DHRS7B: variants seen among roughly 807,000 people sequenced by gnomAD.
The protein encoded by DHRS7B is dehydrogenase/reductase 7B, also known as peroxisomal reductase activating PPAR-gamma.
In DHRS7B, 24 loss-of-function variants were observed where a neutral mutation model predicts 26.4. That is an observed-to-expected ratio of 0.91 (90% CI 0.66 to 1.28). The LOEUF is 1.28. DHRS7B is among the 50% of genes most tolerant of loss of function. The pLI is 0.00. For missense variants in DHRS7B, 368 were observed against 419.4 expected, an observed-to-expected ratio of 0.88 and a Z score of 1.07; for synonymous variants, 142 against 166.4, an observed-to-expected ratio of 0.85 and a Z score of 1.13.
chr17:21,145,683 A>G (rs936360337), intron 1 of DHRS7B, among the ~76,000 whole-genome samples: 4 of 152,212 alleles, frequency 2.6e-5, no homozygotes, highest in South Asian at 2.1e-4. Flanking sequence ...GTACCTATAC[A>G]CCCATTCTAT....
At chr17:21,160,283 G>A (rs1042718003) in intron 1 of DHRS7B, among the ~76,000 whole-genome samples, 4 of 152,286 alleles carry the variant, frequency 2.6e-5, no homozygotes, top group South Asian at 2.1e-4. Context: ...CTTGAACCCA[G>A]GAGGCGGAGG....
chr17:21,147,159 T>C (rs975651065), intron 1 of DHRS7B, among the ~76,000 whole-genome samples: 1 of 152,176 alleles, frequency 6.6e-6, no homozygotes, highest in Non-Finnish European at 1.5e-5. Context: ...TTAGAGTCTG[T>C]TGAGGTGCTG....
chr17:21,171,357 T>G (rs1042346007), intron 1 of DHRS7B, among the ~76,000 whole-genome samples: 104 of 152,350 alleles, frequency 6.8e-4, no homozygotes, highest in African/African-American at 2.4e-3. Flanking sequence ...TGGGGAATGC[T>G]GGGCAGGAAC....
chr17:21,170,860 A>AT (rs35799443), intron 1 of DHRS7B, among the ~76,000 whole-genome samples: 128,630 of 150,604 alleles, frequency 0.85, 55,047 homozygotes, highest in Middle Eastern at 0.89. Context: ...AGGAAGCAGA[A>AT]TTTTTTTTTT....
At chr17:21,144,309 T>C (rs1159308436) in intron 1 of DHRS7B, among the ~76,000 whole-genome samples, 1 of 152,124 alleles carries the variant, frequency 6.6e-6, no homozygotes, top group Non-Finnish European at 1.5e-5. Flanking sequence ...GTGAGAAAAC[T>C]GGGGCCCAAA....
chr17:21,170,791 G>A (rs1210849220), intron 1 of DHRS7B, among the ~76,000 whole-genome samples: 4 of 152,130 alleles, frequency 2.6e-5, no homozygotes, highest in African/African-American at 9.7e-5. Context: ...GATGTGTGTT[G>A]GGAGTCCACA....
chr17:21,137,504 C>T (rs1255345019), intron 1 of DHRS7B, among the ~76,000 whole-genome samples: 2 of 151,076 alleles, frequency 1.3e-5, no homozygotes, highest in East Asian at 3.9e-4. Flanking sequence ...GTTGCCCAGG[C>T]TGGAGTGTAA....
At chr17:21,155,746 G>A (rs1973865881) in intron 1 of DHRS7B, among the ~76,000 whole-genome samples, 1 of 152,044 alleles carries the variant, frequency 6.6e-6, no homozygotes, top group African/African-American at 2.4e-5. Flanking sequence ...TAAATATAAA[G>A]GAACAGAAAT....
intron 1 of DHRS7B, among the ~76,000 whole-genome samples, chr17:21,167,623 C>G (rs1314629229): frequency 6.6e-6 from 1 of 152,122 alleles, no homozygotes; most frequent in East Asian, 1.9e-4. Flanking sequence ...TCTGGCTTCA[C>G]TCTCTCTCCC....
chr17:21,181,215 A>AGCTGG (rs1974508362), intron 3 of DHRS7B, among the ~76,000 whole-genome samples: 1 of 152,094 alleles, frequency 6.6e-6, no homozygotes, highest in Non-Finnish European at 1.5e-5. Flanking sequence ...CCTCCTGAGT[A>AGCTGG]GCTGGGACTA....
chr17:21,183,211 T>C (rs990276264), intron 3 of DHRS7B, among the ~76,000 whole-genome samples: 3 of 152,112 alleles, frequency 2.0e-5, no homozygotes, highest in Admixed American at 2.0e-4. Flanking sequence ...ATTTTTATAA[T>C]CTTTATAATT....
intron 2 of DHRS7B, 154 bp downstream of exon 2, chr17:21,172,350 A>G (rs1188165680): frequency 1.1e-6 from 1 of 892,314 alleles, no homozygotes; most frequent in Non-Finnish European, 1.7e-6. Flanking sequence ...TCCTTGGTAC[A>G]AGTGGAAAAA....
chr17:21,190,585 G>T (rs1222149071), intron 6 of DHRS7B, among the ~76,000 whole-genome samples: 2 of 152,170 alleles, frequency 1.3e-5, no homozygotes. Flanking sequence ...TTTCAGGTGC[G>T]GTGTGAGGGG....
chr17:21,132,549 AC>A lies in DHRS7B; in HGVS notation c.20+5559del, dbSNP rs368149278. On this transcript the variant is annotated intron_variant, in intron 1 of 6. Transcript: ENST00000395511. ...TTGTCTCAAAAAAAAAAAAAAAAAA[AC>A]AAAAAAAAAACAGGGAAGTGAGGTG... 1.7e-3 allele frequency among the ~76,000 whole-genome samples: 232 copies of A among 134,792 alleles called. 3 individuals carry two copies. The highest frequency in any genetic ancestry group is 6.7e-3 in the South Asian group (30 of 4,452). The allele number at this position is 134,792 out of a possible 152,430, so 88.4% of individuals were successfully genotyped here.
rs1403810020 is a variant in DHRS7B, at chr17:21,132,362, TAG to T, written c.20+5373_20+5374del. 9.0e-3 allele frequency among the ~76,000 whole-genome samples: 1,277 copies of T among 142,566 alleles called. 17 individuals are homozygous for T. The highest frequency in any genetic ancestry group is 0.028 in the African/African-American group (1,053 of 37,814). 93.5% of individuals were successfully genotyped at this position (142,566 alleles called of 152,430 possible). The stretch of plus-strand genomic sequence containing the variant: ...AAAAAAAAAAAAATATATATATATA[TAG>T]ATAGATAGATAGATAGAGATATGCA... On this transcript the variant is annotated intron_variant, in intron 1 of 6. Coordinates refer to ENST00000395511, the MANE Select transcript of DHRS7B (RefSeq NM_015510.5).
intron 1 of DHRS7B, among the ~76,000 whole-genome samples, chr17:21,144,414 C>T (rs1973596313): frequency 6.6e-6 from 1 of 152,168 alleles, no homozygotes; most frequent in Non-Finnish European, 1.5e-5. Context: ...ATAAAACTAA[C>T]AAGCATTTCA....
chr17:21,172,896 G>A (rs1974292587), intron 2 of DHRS7B, among the ~76,000 whole-genome samples: 1 of 152,228 alleles, frequency 6.6e-6, no homozygotes. Flanking sequence ...GAGTTACAGG[G>A]CTCCATTGTT....
intron 1 of DHRS7B, among the ~76,000 whole-genome samples, chr17:21,163,061 T>C (rs1974032519): frequency 6.6e-6 from 1 of 151,818 alleles, no homozygotes; most frequent in South Asian, 2.1e-4. Context: ...CTGGTTGTGG[T>C]GGCGGGCACT....
chr17:21,169,028 C>A, intron 1 of DHRS7B: 1 of 569,662 alleles, frequency 1.8e-6, no homozygotes, highest in Non-Finnish European at 2.2e-6. Flanking sequence ...TTATTTTCAT[C>A]CTGCTCCTCC....
Sources: gnomAD v4.1 joint callset for allele counts (sites outside exome capture counted in the v4.1 genomes callset) on GRCh38, gnomAD v4.1.1 for gene constraint, MANE v1.5 for transcripts, NCBI Gene and HGNC (gene_info 2026-07-23, HGNC 2026-07-21) for gene names.